CDH12: variants seen among roughly 807,000 people sequenced by gnomAD.
CDH12 encodes cadherin-12.
CDH12 carries 41 observed loss-of-function variants against 74.1 expected under a neutral mutation model. That is an observed-to-expected ratio of 0.55 (90% CI 0.43 to 0.72). The LOEUF (loss-of-function observed/expected upper bound fraction) is 0.72. Among genes scored for constraint, CDH12 ranks in the 30% least tolerant of loss-of-function variants. CDH12 has a pLI of 0.00. For synonymous variants in CDH12, 399 were observed against 355.0 expected (o/e 1.12, Z -1.39); for missense variants, 945 against 977.2 (o/e 0.97, Z 0.44).
At chr5:22,438,984 A>G (rs1397974017) in intron 2 of CDH12, among the ~76,000 whole-genome samples, 1 of 151,938 alleles carries the variant, frequency 6.6e-6, no homozygotes, top group Non-Finnish European at 1.5e-5. Context: ...ACAGTGAGAA[A>G]TTAGCTTCAT....
At chr5:22,480,739 GT>G (rs1001691472) in intron 2 of CDH12, among the ~76,000 whole-genome samples, 13 of 152,108 alleles carry the variant, frequency 8.5e-5, no homozygotes, top group African/African-American at 3.1e-4. Context: ...GACTGCCATA[GT>G]TTTTTCCATT....
chr5:21,887,865 G>A (rs1353724995), intron 6 of CDH12, among the ~76,000 whole-genome samples: 1 of 152,084 alleles, frequency 6.6e-6, no homozygotes, highest in Non-Finnish European at 1.5e-5. Flanking sequence ...ATACTTTTGA[G>A]CAGTGCCAGG....
chr5:21,829,638 A>T (rs1328452294), intron 8 of CDH12, among the ~76,000 whole-genome samples: 1 of 152,168 alleles, frequency 6.6e-6, no homozygotes, highest in Non-Finnish European at 1.5e-5. Context: ...TAACAAGGCA[A>T]ATATGAAATA....
intron 3 of CDH12, among the ~76,000 whole-genome samples, chr5:22,287,598 C>CT (rs1363330980): frequency 6.6e-6 from 1 of 151,608 alleles, no homozygotes; most frequent in Admixed American, 6.6e-5. Context: ...TGGCGGGCGC[C>CT]TGTAGTCCCA....
intron 3 of CDH12, among the ~76,000 whole-genome samples, chr5:22,315,258 G>A (rs911327916): frequency 1.3e-5 from 2 of 151,122 alleles, no homozygotes; most frequent in Non-Finnish European, 2.9e-5. Context: ...CACCGCGCCC[G>A]GCCTGGGCTG....
intron 1 of CDH12, among the ~76,000 whole-genome samples, chr5:22,634,095 ATTAAC>A (rs1474667822): frequency 6.6e-6 from 1 of 152,138 alleles, no homozygotes; most frequent in East Asian, 1.9e-4. Flanking sequence ...CACTAAGACA[ATTAAC>A]TTAAAAACAA....
chr5:21,987,960 T>G (rs2150132821), intron 5 of CDH12, among the ~76,000 whole-genome samples: 1 of 151,858 alleles, frequency 6.6e-6, no homozygotes, highest in South Asian at 2.1e-4. Flanking sequence ...TGCGACAAAC[T>G]TACGTAAATA....
chr5:22,587,630 GCA>G (rs1740468315), intron 1 of CDH12, among the ~76,000 whole-genome samples: 1 of 152,008 alleles, frequency 6.6e-6, no homozygotes, highest in Non-Finnish European at 1.5e-5. Context: ...CACTAACACT[GCA>G]CTAGTATGTG....
At chr5:22,285,987 T>C (rs955299729) in intron 3 of CDH12, among the ~76,000 whole-genome samples, 2 of 152,084 alleles carry the variant, frequency 1.3e-5, no homozygotes, top group African/African-American at 4.8e-5. Context: ...AATTTATCTT[T>C]ATAATTATTT....
chr5:22,154,878 A>T (rs1451766104), intron 4 of CDH12, among the ~76,000 whole-genome samples: 1 of 152,052 alleles, frequency 6.6e-6, no homozygotes, highest in Non-Finnish European at 1.5e-5. Flanking sequence ...TCATAAGGCT[A>T]TCAGGGTGCT....
At chr5:22,342,041 C>A (rs1739873948) in intron 3 of CDH12, among the ~76,000 whole-genome samples, 1 of 152,080 alleles carries the variant, frequency 6.6e-6, no homozygotes, top group African/African-American at 2.4e-5. Flanking sequence ...TTGGTGGGGT[C>A]CCTCTTGCTG....
At chr5:22,562,449 ATCATT>A (rs1739098143) in intron 1 of CDH12, among the ~76,000 whole-genome samples, 1 of 152,188 alleles carries the variant, frequency 6.6e-6, no homozygotes, top group Non-Finnish European at 1.5e-5. Context: ...CTGTCTAAAA[ATCATT>A]TGCCTTTGTC....
intron 6 of CDH12, among the ~76,000 whole-genome samples, chr5:21,900,980 C>T (rs371633347): frequency 8.5e-5 from 13 of 152,202 alleles, no homozygotes; most frequent in African/African-American, 2.9e-4. Context: ...TCTGCCATGC[C>T]GCATTTCTGG....
chr5:21,842,198 G>A lies in CDH12; in HGVS notation c.777C>T (p.Leu259=). 6.2e-7 allele frequency: 1 copy of A among 1,612,964 alleles called. No individual in the cohort carries two copies. The highest frequency in any genetic ancestry group is 8.5e-7 in the Non-Finnish European group (1 of 1,179,386). The change falls in exon 8 of 15, where the codon CTC becomes CTT. Residue 259 remains leucine (L), a synonymous_variant. Transcript: ENST00000382254. ...GAGGTGGATTGTCATTGACATCGGT[G>A]AGAGTGATGTTGACTATTGTTGTTC... is the stretch of plus-strand genomic sequence containing the variant. ...LAGTTIVNIT[L]TDVNDNPPRF...
chr5:22,217,734 T>C (rs1296905245), intron 3 of CDH12, among the ~76,000 whole-genome samples: 3 of 151,700 alleles, frequency 2.0e-5, no homozygotes, highest in Non-Finnish European at 4.4e-5. Flanking sequence ...TTTTTAGCAA[T>C]GATTTTAAAA....
In CDH12 at chr5:21,985,020, T is replaced by A. The variant is rs531205954; in HGVS notation, c.232-9635A>T. On this transcript the variant is annotated intron_variant, in intron 5 of 14. Transcript: ENST00000382254. ...TCACTTAATAATGGGTCATATTCAA[T>A]ACCCCCACTTCTCTCTCCAAATATC... Among the ~76,000 whole-genome samples the A allele has an allele frequency of 8.0e-4, 122 of 152,160 alleles. 1 individual carries two copies. The highest frequency in any genetic ancestry group is 1.5e-3 in the Non-Finnish European group (100 of 67,974).
chr5:22,714,460 C>G (rs1429320751), intron 1 of CDH12, among the ~76,000 whole-genome samples: 1 of 152,024 alleles, frequency 6.6e-6, no homozygotes, highest in Non-Finnish European at 1.5e-5. Flanking sequence ...TGTTAGTGAC[C>G]TATTGCAAGT....
At chr5:22,450,877 CTTTT>C (rs545463039) in intron 2 of CDH12, among the ~76,000 whole-genome samples, 10 of 129,284 alleles carry the variant, frequency 7.7e-5, no homozygotes, top group Non-Finnish European at 1.3e-4. Context: ...TAATAAGCCA[CTTTT>C]TTTTTTTTTT....
intron 3 of CDH12, among the ~76,000 whole-genome samples, chr5:22,399,091 T>C (rs1742593165): frequency 6.6e-6 from 1 of 152,132 alleles, no homozygotes; most frequent in Admixed American, 6.6e-5. Context: ...TATTTGTGTG[T>C]ATGTGTGTAT....
Sources: allele counts gnomAD v4.1 joint callset (sites outside exome capture counted in the v4.1 genomes callset), GRCh38; gene constraint gnomAD v4.1.1; transcripts MANE v1.5; gene names NCBI Gene and HGNC (gene_info 2026-07-23, HGNC 2026-07-21).